CPA4: variants seen among roughly 807,000 people sequenced by gnomAD.
CPA4 encodes carboxypeptidase A4.
In CPA4, 49 loss-of-function variants were observed where a neutral mutation model predicts 54.7. The ratio of observed to expected loss-of-function variants is 0.90; its 90% CI spans 0.71 to 1.14. The LOEUF is 1.14. Ranked by LOEUF, CPA4 falls within the 50% of genes most tolerant of loss-of-function variation. The pLI is 0.00. For synonymous variants in CPA4, 215 were observed against 206.8 expected, an observed-to-expected ratio of 1.04 and a Z score of -0.34; for missense variants, 487 against 525.1, an observed-to-expected ratio of 0.93 and a Z score of 0.71.
intron 1 of CPA4, among the ~76,000 whole-genome samples, chr7:130,296,915 A>G (rs1256279991): frequency 6.6e-6 from 1 of 151,632 alleles, no homozygotes; most frequent in Non-Finnish European, 1.5e-5. Flanking sequence ...CCCATCCAGG[A>G]GTAAAGATTT....
chr7:130,315,649 A>G (rs1793976730), intron 10 of CPA4, among the ~76,000 whole-genome samples: 1 of 152,172 alleles, frequency 6.6e-6, no homozygotes, highest in Non-Finnish European at 1.5e-5. Context: ...CGATTGTTGG[A>G]TGGAAAAAGC....
chr7:130,322,319 G>C (rs1432183390), intron 10 of CPA4, among the ~76,000 whole-genome samples, 170 bp from the exon 11 acceptor site: 1 of 152,168 alleles, frequency 6.6e-6, no homozygotes, highest in Non-Finnish European at 1.5e-5. Flanking sequence ...GCCAATGCAG[G>C]ATGTCCTGAG....
intron 10 of CPA4, among the ~76,000 whole-genome samples, chr7:130,312,782 G>A (rs1047518444): frequency 2.6e-5 from 4 of 152,162 alleles, no homozygotes. Context: ...TAGAGACTAA[G>A]GGTATTTAAG....
chr7:130,306,038 TG>T, intron 6 of CPA4, 118 bp downstream of exon 6: 3 of 774,356 alleles, frequency 3.9e-6, no homozygotes, highest in Non-Finnish European at 6.4e-6. Flanking sequence ...CCCAGTCGGC[TG>T]GGGGGCCTTT....
chr7:130,307,808 T>C (rs748500414), intron 7 of CPA4, among the ~76,000 whole-genome samples: 6 of 152,162 alleles, frequency 3.9e-5, no homozygotes, highest in Non-Finnish European at 5.9e-5. Context: ...ATTTGTCTTG[T>C]ACAGTGTCTC....
At chr7:130,296,222 G>A (rs1793646423) in intron 1 of CPA4, among the ~76,000 whole-genome samples, 1 of 152,190 alleles carries the variant, frequency 6.6e-6, no homozygotes, top group South Asian at 2.1e-4. Context: ...CTGGGTCCGA[G>A]ATGGGGCAGA....
chr7:130,318,993 T>C (rs1794039456), intron 10 of CPA4, among the ~76,000 whole-genome samples: 1 of 152,192 alleles, frequency 6.6e-6, no homozygotes, highest in Admixed American at 6.5e-5. Context: ...TTTTTCATGG[T>C]TAAGTGTACT....
Position 130,306,593 on chromosome 7 carries a change from C to T in CPA4, c.592-194C>T, listed in dbSNP as rs184817136. On this transcript the variant is annotated intron_variant, in intron 6 of 10. Coordinates refer to ENST00000222482, the MANE Select transcript of CPA4 (RefSeq NM_016352.4). ...CATGTCCCCAAGCAGCCGTGTCTCT[C>T]CAGGCTTTGAAGGGCTCAGAGGGCT... Among the ~76,000 whole-genome samples, 8 of 152,244 alleles carry T rather than the reference C, an allele frequency of 5.3e-5. No individual in the cohort carries two copies. In the East Asian group the frequency reaches 1.5e-3, roughly 29 times the overall value.
chr7:130,304,464 CT>C lies in CPA4; in HGVS notation c.385-11del. On this transcript the variant is annotated splice_polypyrimidine_tract_variant and intron_variant, in intron 4 of 10. Transcript: ENST00000222482. Reference sequence around the variant, plus strand: ...TTTTTAAAATGTCCCTGGATTCACTCTTTCATGCTTCAGATTTACCACGAGA... The same window carrying C: ...TTTTTAAAATGTCCCTGGATTCACTCTTCATGCTTCAGATTTACCACGAGA... 1 of 1,523,246 alleles carries C rather than the reference CT, an allele frequency of 6.6e-7. No individual in the cohort carries two copies. The highest frequency in any genetic ancestry group is 1.1e-5 in the South Asian group (1 of 89,136). The allele number at this position is 1,523,246 out of a possible 1,614,324, so 94.4% of individuals were successfully genotyped here.
Position 130,297,108 on chromosome 7 carries a change from C to T in CPA4, c.69-1638C>T, listed in dbSNP as rs571547096. Among the ~76,000 whole-genome samples the T allele has an allele frequency of 2.6e-3, 399 of 152,042 alleles. 4 individuals are homozygous for T. The highest frequency in any genetic ancestry group is 8.7e-3 in the African/African-American group (360 of 41,492). ...GCTGGCCTACAGGTGTGAACCACCA[C>T]GCCCAGCTAATTGTTTTTCATTTTT... On this transcript the variant is annotated intron_variant, in intron 1 of 10. Transcript: ENST00000222482.
At position 130,308,214 on chromosome 7, in the gene CPA4, G is replaced by T. The variant is rs1189907696; in HGVS notation, c.703-93G>T. On this transcript the variant is annotated intron_variant, in intron 7 of 10. Transcript: ENST00000222482. ...GGCCCTCCTGGCAGAACTGCAAGCAGCCTGCCCTGCCTGCGTGTCATCTCC... is the reference window on the plus strand; with the variant it reads ...GGCCCTCCTGGCAGAACTGCAAGCATCCTGCCCTGCCTGCGTGTCATCTCC... 5 of 1,061,958 alleles carry T rather than the reference G, an allele frequency of 4.7e-6. No individual in the cohort carries two copies. The African/African-American group carries it at 7.8e-5, about 17-fold the overall frequency. The allele number at this position is 1,061,958 out of a possible 1,614,324, so 65.8% of individuals were successfully genotyped here. A position where few individuals can be genotyped will look rare whatever the true frequency, so the allele number is the denominator to read the frequency against.
In CPA4 at chr7:130,313,018, T is replaced by C. The variant is rs116636531; in HGVS notation, c.1078+896T>C. On this transcript the variant is annotated intron_variant, in intron 10 of 10. Coordinates refer to ENST00000222482, the MANE Select transcript of CPA4 (RefSeq NM_016352.4). ...GTTTTTAATCAAGGGGAACTTAAAA[T>C]GGCAGTATTTGCCCAAGATGGTGAT... Among the ~76,000 whole-genome samples the C allele has an allele frequency of 4.7e-3, 721 of 152,306 alleles. 5 individuals carry two copies. The highest frequency in any genetic ancestry group is 0.017 in the African/African-American group (689 of 41,572).
intron 1 of CPA4, among the ~76,000 whole-genome samples, chr7:130,294,561 G>A (rs1034625347): frequency 6.6e-6 from 1 of 152,230 alleles, no homozygotes; most frequent in Non-Finnish European, 1.5e-5. Context: ...AGCTATTCAT[G>A]TGGCTGAAAA....
chr7:130,303,132 A>G (rs1793764974), intron 4 of CPA4, among the ~76,000 whole-genome samples: 1 of 152,170 alleles, frequency 6.6e-6, no homozygotes, highest in South Asian at 2.1e-4. Flanking sequence ...TATATTAATT[A>G]CACATTTTCC....
At chr7:130,309,538 A>C (rs1380005419) in intron 8 of CPA4, among the ~76,000 whole-genome samples, 1 of 152,072 alleles carries the variant, frequency 6.6e-6, no homozygotes, top group Non-Finnish European at 1.5e-5. Context: ...GCGATTTAAA[A>C]ACCACCCTCC....
At chr7:130,296,450 T>C (rs565334797) in intron 1 of CPA4, among the ~76,000 whole-genome samples, 127 of 152,316 alleles carry the variant, frequency 8.3e-4, no homozygotes, top group Non-Finnish European at 1.5e-3. Context: ...ACAAGTTCTG[T>C]TGTGAAGTCA....
At chr7:130,313,846 T>A (rs1365378412) in intron 10 of CPA4, among the ~76,000 whole-genome samples, 1 of 152,172 alleles carries the variant, frequency 6.6e-6, no homozygotes, top group Non-Finnish European at 1.5e-5. Flanking sequence ...GACTTCGTTG[T>A]AAATACAGGT....
chr7:130,319,569 GA>G (rs1258334038), intron 10 of CPA4, among the ~76,000 whole-genome samples: 2 of 152,216 alleles, frequency 1.3e-5, no homozygotes, highest in Non-Finnish European at 2.9e-5. Flanking sequence ...GGAATCACAG[GA>G]GAATGATTTC....
intron 7 of CPA4, 70 bp from the exon 8 acceptor site, chr7:130,308,237 T>G: frequency 7.4e-7 from 1 of 1,354,562 alleles, no homozygotes; most frequent in African/African-American, 1.4e-5. Flanking sequence ...GCGTGTCATC[T>G]CCACCCTAGC....
Sources: allele counts gnomAD v4.1 joint callset (sites outside exome capture counted in the v4.1 genomes callset), GRCh38; gene constraint gnomAD v4.1.1; transcripts MANE v1.5; gene names NCBI Gene and HGNC (gene_info 2026-07-23, HGNC 2026-07-21).